Variants in CIITA observed in about 807,000 individuals in gnomAD.
CIITA encodes MHC class II transactivator.
A neutral mutation model predicts 115.1 loss-of-function variants in CIITA; 72 were observed. That is an observed-to-expected ratio of 0.63 (90% confidence interval 0.52 to 0.76). The LOEUF is 0.76. Among genes scored for constraint, CIITA ranks in the 30% least tolerant of loss-of-function variants. The pLI, the probability that CIITA is intolerant of heterozygous loss-of-function variation, is 0.00. For synonymous variants in CIITA, 763 were observed against 635.6 expected (o/e 1.20, Z -3.02); for missense variants, 1,617 against 1,463.8 (o/e 1.10, Z -1.71).
In CIITA at chr16:10,927,276, C is replaced by T. The variant is rs2040569805; in HGVS notation, c.*3421C>T. 1 of 152,226 alleles carries T rather than the reference C, an allele frequency of 6.6e-6. No homozygotes were observed. 9.4% of individuals were successfully genotyped at this position (152,226 alleles called of 1,614,324 possible). A position where few individuals can be genotyped will look rare whatever the true frequency, so the allele number is the denominator to read the frequency against. On this transcript the variant is annotated 3_prime_UTR_variant, in exon 20 of 20. Transcript: ENST00000324288. ...TCGGGACTTGCCCCATTCTCCAACC[C>T]CATCACTAGTTTTATCTTTTTCACT...
Position 10,920,111 on chromosome 16 carries a change from T to C in CIITA, c.3149+1585T>C, listed in dbSNP as rs1300737542. 2.0e-5 allele frequency among the ~76,000 whole-genome samples: 3 copies of C among 152,084 alleles called. No homozygotes were observed. The highest frequency in any genetic ancestry group is 2.0e-4 in the Admixed American group (3 of 15,270). ...GACAGAGGCTGGGCAATGGTGGAAGTAGGGGAGGTCAGGGGAATCCAGATC... is the reference window on the plus strand; with the variant it reads ...GACAGAGGCTGGGCAATGGTGGAAGCAGGGGAGGTCAGGGGAATCCAGATC... On this transcript the variant is annotated intron_variant, in intron 16 of 19. Coordinates refer to ENST00000324288, the MANE Select transcript of CIITA (RefSeq NM_000246.4). The surrounding 1 kb of genome is among the most constrained non-coding windows in gnomAD (Gnocchi z 4.5).
intron 5 of CIITA, among the ~76,000 whole-genome samples, chr16:10,899,685 T>C (rs2038512793): frequency 6.6e-6 from 1 of 152,218 alleles, no homozygotes; most frequent in African/African-American, 2.4e-5. Context: ...GTTAACTGAG[T>C]ACTTATTATG....
rs1182746478 is a variant in CIITA, at chr16:10,931,828, T to C, written c.*7973T>C. ...ATCGCTTGAGCTAGGGAGGCAGAGG[T>C]TGCAGTGAGCCGAGATCACGCCACT... On this transcript the variant is annotated 3_prime_UTR_variant, in exon 20 of 20. Transcript: ENST00000324288. 6.6e-6 allele frequency: 1 copy of C among 152,212 alleles called. No homozygotes were observed. Among genetic ancestry groups the C allele is most frequent in the Non-Finnish European group, 1.5e-5 (1 of 68,054 alleles). The allele number at this position is 152,212 out of a possible 1,614,324, so 9.4% of individuals were successfully genotyped here.
downstream of CIITA, chr16:10,938,220 A>G (rs1311588302): frequency 6.6e-6 from 1 of 152,204 alleles, no homozygotes; most frequent in Non-Finnish European, 1.5e-5. This position sits in a 1 kb window ranked among gnomAD's most constrained non-coding sequence, Gnocchi z 4.9. Flanking sequence ...ACCAAAGTAC[A>G]GGGAGGTTAA....
In CIITA at chr16:10,907,464, G is replaced by A. The variant is rs1404022129; in HGVS notation, c.1972G>A (p.Ala658Thr). 6.2e-7 allele frequency: 1 copy of A among 1,613,346 alleles called. No individual in the cohort carries two copies. Among genetic ancestry groups the A allele is most frequent in the Non-Finnish European group, 8.5e-7 (1 of 1,179,930 alleles). ...CCTCGACAGCCCCCCCGGGGCCCTG[G>A]CAGAGCTGGCCAAGCTGGCCTGGGA... ...AALDSPPGAL[A>T]ELAKLAWELG... The change falls in exon 11 of 20, where the codon GCA becomes ACA. Residue 658 changes from alanine to threonine, a missense_variant. Physicochemically the swap from Ala to Thr is moderately conservative, Grantham distance 58. Coordinates refer to ENST00000324288, the MANE Select transcript of CIITA (RefSeq NM_000246.4). This position sits in a 1 kb window ranked among gnomAD's most constrained non-coding sequence, Gnocchi z 5.0.
chr16:10,866,499 C>A (rs1458844433), intron 1 of CIITA: 1 of 559,410 alleles, frequency 1.8e-6, no homozygotes, highest in Non-Finnish European at 3.5e-6. Flanking sequence ...TGGATTTGGC[C>A]CTCCTGGGGT....
At chr16:10,896,467 G>C (rs2038134410) in intron 3 of CIITA, among the ~76,000 whole-genome samples, 1 of 152,206 alleles carries the variant, frequency 6.6e-6, no homozygotes, top group Non-Finnish European at 1.5e-5. Context: ...TTCAGACAAG[G>C]GCAGGACTCT....
Position 10,922,268 on chromosome 16 carries a change from G to A in CIITA, c.3233+18G>A, listed in dbSNP as rs1272822467. 1.9e-6 allele frequency: 3 copies of A among 1,613,036 alleles called. No individual in the cohort carries two copies. The highest frequency in any genetic ancestry group is 2.2e-5 in the East Asian group (1 of 44,882). On this transcript the variant is annotated intron_variant, in intron 17 of 19. Transcript: ENST00000324288. ...GTGATGGAGTGAGTGTGGGAGTCTG[G>A]GCGGTGGGTGGCTCAGCCCGGGGTG...
chr16:10,867,588 C>T (rs1023808425), intron 1 of CIITA, among the ~76,000 whole-genome samples: 9 of 152,084 alleles, frequency 5.9e-5, no homozygotes, highest in Non-Finnish European at 1.2e-4. Context: ...AACTCGCTTA[C>T]GGGAGAGAGA....
chr16:10,895,916 A>G, intron 3 of CIITA, 152 bp downstream of exon 3: 1 of 808,352 alleles, frequency 1.2e-6, no homozygotes, highest in Non-Finnish European at 2.1e-6. Context: ...GGAGGAACGG[A>G]GACTCCAGGG....
chr16:10,888,875 G>C (rs1439242923), intron 1 of CIITA: 1 of 152,242 alleles, frequency 6.6e-6, no homozygotes, highest in Admixed American at 6.5e-5. Context: ...CTGAGACTTT[G>C]GAGATGGGTA....
chr16:10,922,767 G>A (rs2040344175), intron 18 of CIITA, among the ~76,000 whole-genome samples: 1 of 152,230 alleles, frequency 6.6e-6, no homozygotes, highest in African/African-American at 2.4e-5. Flanking sequence ...TGCTATATTA[G>A]GCTGAACCAT....
chr16:10,928,614 G>T lies in CIITA; in HGVS notation c.*4759G>T, dbSNP rs577678398. On this transcript the variant is annotated 3_prime_UTR_variant, in exon 20 of 20. Coordinates refer to ENST00000324288, the MANE Select transcript of CIITA (RefSeq NM_000246.4). ...CCCTTCCCCCCTATCTTTAATGAAG[G>T]TCTACCATGTGCCTGACACAGGGGA... The T allele has an allele frequency of 8.5e-5, 13 of 152,404 alleles. No individual in the cohort carries two copies. The highest frequency in any genetic ancestry group is 3.1e-4 in the African/African-American group (13 of 41,564). 9.4% of individuals were successfully genotyped at this position (152,404 alleles called of 1,614,324 possible).
intron 1 of CIITA, among the ~76,000 whole-genome samples, chr16:10,870,481 G>A (rs2035407410): frequency 6.6e-6 from 1 of 152,232 alleles, no homozygotes; most frequent in South Asian, 2.1e-4. Context: ...AGGTGCCTCA[G>A]TGGGAAGTTA....
rs750260287 is a variant in CIITA at position 10,941,937 on chromosome 16, C to A, written n.1063C>A. On this transcript the variant is annotated non_coding_transcript_exon_variant, in exon 2 of 2. Coordinates refer to the CIITA transcript ENST00000573379. The surrounding 1 kb of genome is among the most constrained non-coding windows in gnomAD (Gnocchi z 6.4). ...CCACGTAGAACATAGAGGGCAGCAGCGGCGGCGGCACGTAGGGGACCAGGG... is the reference window on the plus strand; with the variant it reads ...CCACGTAGAACATAGAGGGCAGCAGAGGCGGCGGCACGTAGGGGACCAGGG... 34 of 1,587,082 alleles carry A rather than the reference C, an allele frequency of 2.1e-5. No homozygotes were observed. Among genetic ancestry groups the A allele is most frequent in the Non-Finnish European group, 2.8e-5 (33 of 1,167,770 alleles).
chr16:10,903,934 G>A (rs772144253), intron 9 of CIITA, 39 bp downstream of exon 9: 1 of 1,613,528 alleles, frequency 6.2e-7, no homozygotes, highest in South Asian at 1.1e-5. Context: ...ACTAGAAGCA[G>A]GATCGAGGCC....
At position 10,902,706 on chromosome 16, in the gene CIITA, C is replaced by T; in HGVS notation, c.677C>T (p.Pro226Leu). 6.2e-7 allele frequency: 1 copy of T among 1,614,224 alleles called. No homozygotes were observed. Among genetic ancestry groups the T allele is most frequent in the Non-Finnish European group, 8.5e-7 (1 of 1,180,042 alleles). The change falls in exon 8 of 20, where the codon CCC (proline) becomes CTC (leucine). Residue 226 changes from proline to leucine, a missense_variant. By Grantham distance (98) the Pro-to-Leu change is moderately conservative (BLOSUM62 -3). Transcript: ENST00000324288. ...AGCTGCCTGAATCTCCCTGAGGGACCCATCCAGTTTGTCCCCACCATCTCC... is the reference window on the plus strand; with the variant it reads ...AGCTGCCTGAATCTCCCTGAGGGACTCATCCAGTTTGTCCCCACCATCTCC... ...SLSCLNLPEG[P>L]IQFVPTISTL...
intron 14 of CIITA, 42 bp from the exon 15 acceptor site, chr16:10,916,325 C>A: frequency 1.3e-6 from 2 of 1,593,404 alleles, no homozygotes; most frequent in Non-Finnish European, 1.7e-6. Context: ...TCAGATGGCC[C>A]CAGGACGCTA....
At position 10,906,970 on chromosome 16, in the gene CIITA, G is replaced by T. The variant is rs759051830; in HGVS notation, c.1478G>T (p.Arg493Leu). ...AGCCACATCTTGAAGAGACCTGACC[G>T]CGTTCTGCTCATCCTAGACGGCTTC... ...VFSHILKRPD[R>L]VLLILDGFEE... Residue 493 changes from arginine (R) to leucine (L), a missense_variant, in exon 11 of 20, where the codon CGC becomes CTC. By Grantham distance (102) the Arg-to-Leu change is moderately radical. Transcript: ENST00000324288. 2 of 1,612,342 alleles carry T rather than the reference G, an allele frequency of 1.2e-6. No homozygotes were observed. Among genetic ancestry groups the T allele is most frequent in the Admixed American group, 1.7e-5 (1 of 59,962 alleles).
Sources: gnomAD v4.1 joint callset for allele counts (sites outside exome capture counted in the v4.1 genomes callset) on GRCh38, gnomAD v4.1.1 for gene constraint, Gnocchi (gnomAD v3.1) non-coding constraint, MANE v1.5 for transcripts, NCBI Gene and HGNC (gene_info 2026-07-23, HGNC 2026-07-21) for gene names.